BOC: variants seen among roughly 807,000 people sequenced by gnomAD.
BOC encodes the protein brother of CDO.
Under a neutral mutation model 112.0 loss-of-function variants are expected in BOC, and 76 were observed. The observed-to-expected ratio is 0.68, with a 90% CI of 0.56 to 0.82. The LOEUF (loss-of-function observed/expected upper bound fraction) is 0.82, where lower values mean the gene tolerates loss of function less well. Ranked by LOEUF, BOC falls within the 40% of genes least tolerant of loss-of-function variation. The pLI, the probability that BOC is intolerant of heterozygous loss-of-function variation, is 0.00. For synonymous variants in BOC, 580 were observed against 599.8 expected, an observed-to-expected ratio of 0.97 and a Z score of 0.48; for missense variants, 1,309 against 1,511.7, an observed-to-expected ratio of 0.87 and a Z score of 2.22.
Position 113,278,383 on chromosome 3 carries a change from C to G in BOC, c.1705+126C>G. The G allele has an allele frequency of 8.9e-7, 1 of 1,119,232 alleles. No individual in the cohort carries two copies. The highest frequency in any genetic ancestry group is 1.5e-5 in the South Asian group (1 of 66,068). The allele number at this position is 1,119,232 out of a possible 1,614,324, so 69.3% of individuals were successfully genotyped here. Reference sequence around the variant, plus strand: ...CCTTGAACTTCATCTTTCCTTCCAGCTACTGCCTCCTTGTGGTTTGTGTGC... The same window carrying G: ...CCTTGAACTTCATCTTTCCTTCCAGGTACTGCCTCCTTGTGGTTTGTGTGC... On this transcript the variant is annotated intron_variant, in intron 10 of 19. Transcript: ENST00000682979. This position sits in a 1 kb window ranked among gnomAD's most constrained non-coding sequence, Gnocchi z 4.2.
intron 16 of BOC, 100 bp from the exon 17 acceptor site, chr3:113,284,235 C>A (rs1949463912): frequency 1.0e-6 from 1 of 974,676 alleles, no homozygotes; most frequent in African/African-American, 1.6e-5. Flanking sequence ...CGTCCTTCAA[C>A]CCTCTGTGGC....
chr3:113,287,327 A>G lies in BOC; in HGVS notation c.*465A>G. ...ACATTTTCCTAAGATGCCCATGAGAACAGACCAAGATGTGTACAGCACTAT... is the reference window on the plus strand; with the variant it reads ...ACATTTTCCTAAGATGCCCATGAGAGCAGACCAAGATGTGTACAGCACTAT... On this transcript the variant is annotated 3_prime_UTR_variant, in exon 20 of 20. Transcript: ENST00000682979. 3.3e-6 allele frequency: 1 copy of G among 302,208 alleles called. No individual in the cohort carries two copies. The highest frequency in any genetic ancestry group is 2.9e-5 in the South Asian group (1 of 34,022). 18.7% of individuals were successfully genotyped at this position (302,208 alleles called of 1,614,324 possible).
chr3:113,263,837 G>A (rs1947159366), intron 4 of BOC, among the ~76,000 whole-genome samples: 1 of 152,226 alleles, frequency 6.6e-6, no homozygotes, highest in African/African-American at 2.4e-5. Flanking sequence ...CATGTGATCT[G>A]CTGATGGCAG....
At chr3:113,225,874 G>A (rs950752218) in intron 2 of BOC, among the ~76,000 whole-genome samples, 5 of 152,204 alleles carry the variant, frequency 3.3e-5, no homozygotes, top group Non-Finnish European at 4.4e-5. Context: ...ACCTGGAGAG[G>A]CAGATGATAA....
intron 5 of BOC, 73 bp from the exon 6 acceptor site, chr3:113,270,728 C>T: frequency 1.3e-6 from 2 of 1,513,408 alleles, no homozygotes; most frequent in Non-Finnish European, 1.8e-6. Flanking sequence ...CCGTGCACCT[C>T]TCCTTTGTGG....
At chr3:113,245,465 C>T (rs1425651990) in intron 2 of BOC, among the ~76,000 whole-genome samples, 1 of 152,154 alleles carries the variant, frequency 6.6e-6, no homozygotes, top group Non-Finnish European at 1.5e-5. Context: ...ACTTATTTCC[C>T]CAATATTTGC....
chr3:113,211,804 AC>A lies in BOC; in HGVS notation c.-381del, dbSNP rs1346034131. 1 of 151,440 alleles carries A rather than the reference AC, an allele frequency of 6.6e-6. No individual in the cohort carries two copies. Among genetic ancestry groups the A allele is most frequent in the Non-Finnish European group, 1.5e-5 (1 of 68,318 alleles). 9.4% of individuals were successfully genotyped at this position (151,440 alleles called of 1,614,324 possible). A position where few individuals can be genotyped will look rare whatever the true frequency, so the allele number is the denominator to read the frequency against. On this transcript the variant is annotated 5_prime_UTR_variant, in exon 1 of 20. Coordinates refer to ENST00000682979, the MANE Select transcript of BOC (RefSeq NM_001378074.1). ...CCCTCACGCCCGCCACAGCCACAAC[AC>A]GCCCGCACGCGCCCTCCCTCTCCGG...
In BOC at chr3:113,279,831, C is replaced by T. The variant is rs1221494476; in HGVS notation, c.2031C>T (p.Ser677=). 1.9e-6 allele frequency: 3 copies of T among 1,606,002 alleles called. No individual in the cohort carries two copies. The highest frequency in any genetic ancestry group is 2.6e-6 in the Non-Finnish European group (3 of 1,175,704). The change falls in exon 13 of 20, where the codon TCC becomes TCT. Residue 677 remains serine (S), a synonymous_variant. Transcript: ENST00000682979. ...VEITGLEKGT[S]YKFRVRALNM... is the part of the protein sequence containing the mutation. Reference sequence around the variant, plus strand: ...GAGTGTCCCTCTCACCAGGCACCTCCTACAAGTTTCGAGTCCGGGCTCTGA... The same window carrying T: ...GAGTGTCCCTCTCACCAGGCACCTCTTACAAGTTTCGAGTCCGGGCTCTGA...
At chr3:113,270,577 G>A (rs896649569) in intron 5 of BOC, 11 of 510,914 alleles carry the variant, frequency 2.2e-5, no homozygotes, top group African/African-American at 2.1e-4. Flanking sequence ...CTGTTAGCTG[G>A]TTGGTTAGTT....
intron 16 of BOC, among the ~76,000 whole-genome samples, 171 bp downstream of exon 16, chr3:113,283,803 C>T (rs1489527475): frequency 2.0e-5 from 3 of 151,696 alleles, no homozygotes; most frequent in African/African-American, 7.3e-5. Flanking sequence ...TCACAGACCT[C>T]GGCTTGGGGA....
chr3:113,242,710 AC>A (rs1383940801), intron 2 of BOC, among the ~76,000 whole-genome samples: 1 of 151,960 alleles, frequency 6.6e-6, no homozygotes, highest in Admixed American at 6.6e-5. Context: ...TTGCTCAAAA[AC>A]CATCACTAAC....
chr3:113,234,372 G>C (rs1274329900), intron 2 of BOC, among the ~76,000 whole-genome samples: 1 of 151,930 alleles, frequency 6.6e-6, no homozygotes, highest in Non-Finnish European at 1.5e-5. Context: ...TGTGCACATG[G>C]GCATGTGCAC....
In BOC at chr3:113,285,412, A is replaced by G. The variant is rs756601367; in HGVS notation, c.3007A>G (p.Thr1003Ala). The G allele has an allele frequency of 6.2e-7, 1 of 1,613,608 alleles. No individual in the cohort carries two copies. Among genetic ancestry groups the G allele is most frequent in the African/African-American group, 1.3e-5 (1 of 74,996 alleles). ...SSPDEGSFLY[T>A]LPDDSTHQLL... ...CCCGGACGAGGGCTCTTTCTTATAC[A>G]CACTGCCCGACGACTCCACTCACCA... Residue 1003 changes from threonine to alanine, a missense_variant, in exon 19 of 20, where the codon ACA becomes GCA. Thr to Ala is a moderately conservative substitution (Grantham distance 58). Transcript: ENST00000682979.
Position 113,274,406 on chromosome 3 carries a change from G to A in BOC, c.1266G>A (p.Glu422=). 1 of 1,569,754 alleles carries A rather than the reference G, an allele frequency of 6.4e-7. No homozygotes were observed. The highest frequency in any genetic ancestry group is 8.7e-7 in the Non-Finnish European group (1 of 1,153,372). The change falls in exon 9 of 20, where the codon GAG becomes GAA. Residue 422 remains glutamate (E), a synonymous_variant. Coordinates refer to ENST00000682979, the MANE Select transcript of BOC (RefSeq NM_001378074.1). The surrounding 1 kb of genome is among the most constrained non-coding windows in gnomAD (Gnocchi z 4.8). ...CCCCAAGGCTATGGCAGGATGCTGA[G>A]CTGGCTACTGGCACACCTCCTGTAT... is the stretch of plus-strand genomic sequence containing the variant. The part of the protein sequence containing the change: ...SITPRLWQDA[E]LATGTPPVSP...
intron 4 of BOC, among the ~76,000 whole-genome samples, chr3:113,266,651 A>G (rs1379536239): frequency 6.6e-6 from 1 of 152,210 alleles, no homozygotes; most frequent in Admixed American, 6.5e-5. Flanking sequence ...TCATTCATTA[A>G]CATTCATTCA....
intron 4 of BOC, among the ~76,000 whole-genome samples, chr3:113,262,441 T>C (rs1413063600): frequency 5.9e-5 from 9 of 152,248 alleles, no homozygotes; most frequent in African/African-American, 1.4e-4. Context: ...CCTGGCTTGC[T>C]AAATGAATGA....
At chr3:113,239,937 C>G (rs1229247782) in intron 2 of BOC, among the ~76,000 whole-genome samples, 1 of 152,122 alleles carries the variant, frequency 6.6e-6, no homozygotes, top group Non-Finnish European at 1.5e-5. Context: ...TCACAAAGTC[C>G]CGTTAGACCC....
chr3:113,251,276 G>A (rs1408733113), intron 4 of BOC: 2 of 286,948 alleles, frequency 7.0e-6, no homozygotes, highest in African/African-American at 2.1e-5. Flanking sequence ...AGAGACATGG[G>A]CAGGGCCACG....
rs1181508615 is a variant in BOC at position 113,271,079 on chromosome 3, ACAGCCAGGGGTTCT to A, written c.667+145_667+158del. 6.8e-6 allele frequency: 9 copies of A among 1,330,010 alleles called. No homozygotes were observed. In the Admixed American group the frequency reaches 1.3e-4, roughly 19 times the overall value. The allele number at this position is 1,330,010 out of a possible 1,614,324, so 82.4% of individuals were successfully genotyped here. A position where few individuals can be genotyped will look rare whatever the true frequency, so the allele number is the denominator to read the frequency against. ...GTGTGCACTGGCTTTGGCCAGGGGG[ACAGCCAGGGGTTCT>A]CAGCCAGGGATTCTCTCCCCTCTGG... On this transcript the variant is annotated intron_variant, in intron 6 of 19. Coordinates refer to ENST00000682979, the MANE Select transcript of BOC (RefSeq NM_001378074.1).
Sources: allele counts gnomAD v4.1 joint callset (sites outside exome capture counted in the v4.1 genomes callset), GRCh38; gene constraint gnomAD v4.1.1; non-coding constraint Gnocchi (gnomAD v3.1); transcripts MANE v1.5; gene names NCBI Gene and HGNC (gene_info 2026-07-23, HGNC 2026-07-21).